Variants in MCTP1 observed in about 807,000 individuals in gnomAD.
The protein encoded by MCTP1 is multiple C2 and transmembrane domain containing 1.
Under a neutral mutation model 120.6 loss-of-function variants are expected in MCTP1, and 69 were observed. The ratio of observed to expected loss-of-function variants is 0.57; its 90% confidence interval spans 0.47 to 0.70. MCTP1 has a LOEUF of 0.70. Among genes scored for constraint, MCTP1 ranks in the 30% least tolerant of loss-of-function variants. MCTP1 has a pLI of 0.00. For synonymous variants in MCTP1, 529 were observed against 493.1 expected, an observed-to-expected ratio of 1.07 and a Z score of -0.96; for missense variants, 1,203 against 1,248.8, an observed-to-expected ratio of 0.96 and a Z score of 0.55.
intron 18 of MCTP1, among the ~76,000 whole-genome samples, chr5:94,796,251 G>C (rs1779973996): frequency 6.6e-6 from 1 of 152,062 alleles, no homozygotes; most frequent in South Asian, 2.1e-4. Context: ...ATTTTTGGCA[G>C]CTGAATGTAC....
intron 1 of MCTP1, among the ~76,000 whole-genome samples, chr5:95,148,415 T>C (rs1175031610): frequency 6.6e-6 from 1 of 152,228 alleles, no homozygotes; most frequent in Non-Finnish European, 1.5e-5. Context: ...TTTTTCTTTA[T>C]TTTTGTCTGA....
chr5:94,904,718 T>C (rs2153425836), intron 10 of MCTP1, among the ~76,000 whole-genome samples: 1 of 152,362 alleles, frequency 6.6e-6, no homozygotes. Flanking sequence ...GTTGTTCTAA[T>C]TGCCTTTCCA....
At chr5:95,172,320 G>A (rs376689808) in intron 1 of MCTP1, among the ~76,000 whole-genome samples, 18 of 152,176 alleles carry the variant, frequency 1.2e-4, no homozygotes, top group Non-Finnish European at 1.9e-4. Flanking sequence ...TGCCCCTACT[G>A]GGGGATGCCT....
chr5:95,087,610 C>T (rs552611164), intron 1 of MCTP1, among the ~76,000 whole-genome samples: 1 of 152,184 alleles, frequency 6.6e-6, no homozygotes, highest in Non-Finnish European at 1.5e-5. Flanking sequence ...ATGAGACAAA[C>T]AAAAGCTTTT....
chr5:94,793,288 G>A (rs1288315961), intron 18 of MCTP1: 2 of 152,162 alleles, frequency 1.3e-5, no homozygotes, highest in East Asian at 3.8e-4. Context: ...GGTCACAAGG[G>A]ATAAGCTTTC....
intron 1 of MCTP1, among the ~76,000 whole-genome samples, chr5:95,202,299 T>C (rs1159988700): frequency 6.6e-6 from 1 of 152,210 alleles, no homozygotes; most frequent in Non-Finnish European, 1.5e-5. Context: ...AGCTGCCCCT[T>C]AGGTTCTCAG....
intron 17 of MCTP1, among the ~76,000 whole-genome samples, chr5:94,866,769 G>A (rs2153275171): frequency 6.6e-6 from 1 of 150,678 alleles, no homozygotes; most frequent in Admixed American, 6.6e-5. Flanking sequence ...AGAATCAAAA[G>A]GAAATTGCAA....
rs146776680 is a variant in MCTP1 at position 94,873,314 on chromosome 5, T to C, written c.1934-73A>G. On this transcript the variant is annotated intron_variant, in intron 12 of 22. Coordinates refer to ENST00000515393, the MANE Select transcript of MCTP1 (RefSeq NM_024717.7). ...GTTCACAGTGTCAAGATCATGACCATATCTCTTTTGCAAAAAGTTTTATAG... is the reference window on the plus strand; with the variant it reads ...GTTCACAGTGTCAAGATCATGACCACATCTCTTTTGCAAAAAGTTTTATAG... The C allele has an allele frequency of 6.0e-5, 50 of 827,252 alleles. No individual in the cohort carries two copies. In the African/African-American group the frequency reaches 6.5e-4, roughly 11 times the overall value. 51.2% of individuals were successfully genotyped at this position (827,252 alleles called of 1,614,324 possible).
In MCTP1 at chr5:94,937,691, A is replaced by G. The variant is rs1053987119; in HGVS notation, c.1173+2393T>C. Among the ~76,000 whole-genome samples the G allele has an allele frequency of 2.0e-5, 3 of 152,100 alleles. No homozygotes were observed. The South Asian group carries it at 6.2e-4, about 31-fold the overall frequency. On this transcript the variant is annotated intron_variant, in intron 5 of 22. Transcript: ENST00000515393. ...GCCTGTGCTGTCATATTTCTGTGTA[A>G]TTTAGAACAACTCAGCAGCTTCATC...
At chr5:94,754,637 A>G (rs1298719437) in intron 19 of MCTP1, among the ~76,000 whole-genome samples, 4 of 152,246 alleles carry the variant, frequency 2.6e-5, no homozygotes, top group Admixed American at 6.5e-5. Flanking sequence ...AAACAGTCCG[A>G]TCAGTCTTTT....
At chr5:94,932,016 A>G (rs200562419) in intron 5 of MCTP1, 25 bp from the exon 6 acceptor site, 71 of 1,544,652 alleles carry the variant, frequency 4.6e-5, no homozygotes, top group Non-Finnish European at 6.1e-5. Flanking sequence ...AAGCATTTTC[A>G]TTATCTTTTC....
chr5:94,830,601 C>A (rs1450666088), intron 17 of MCTP1, among the ~76,000 whole-genome samples: 1 of 152,112 alleles, frequency 6.6e-6, no homozygotes, highest in Non-Finnish European at 1.5e-5. Context: ...TGCTATATAA[C>A]TGTGGGTTTC....
intron 17 of MCTP1, among the ~76,000 whole-genome samples, chr5:94,817,126 T>G (rs1177912741): frequency 6.6e-6 from 1 of 152,136 alleles, no homozygotes; most frequent in Non-Finnish European, 1.5e-5. Context: ...GTGTCTGGGC[T>G]GGGTGCGGTG....
At chr5:94,798,384 G>T (rs1252406120) in intron 18 of MCTP1, among the ~76,000 whole-genome samples, 8 of 152,122 alleles carry the variant, frequency 5.3e-5, no homozygotes, top group Admixed American at 5.2e-4. Flanking sequence ...GAAAGAGAAG[G>T]TTGTCTCATA....
chr5:94,845,714 C>A (rs1156978565), intron 17 of MCTP1, among the ~76,000 whole-genome samples: 1 of 151,974 alleles, frequency 6.6e-6, no homozygotes, highest in African/African-American at 2.4e-5. Context: ...CCATGCCCAG[C>A]TAATTTTTGT....
At chr5:95,052,324 G>A (rs1337504955) in intron 1 of MCTP1, among the ~76,000 whole-genome samples, 1 of 152,168 alleles carries the variant, frequency 6.6e-6, no homozygotes, top group Non-Finnish European at 1.5e-5. Context: ...ATCCACTTTA[G>A]AGCTAGTGAA....
intron 17 of MCTP1, among the ~76,000 whole-genome samples, chr5:94,831,135 C>T (rs1352233418): frequency 6.6e-6 from 1 of 152,168 alleles, no homozygotes; most frequent in African/African-American, 2.4e-5. Context: ...AAGAACTCAA[C>T]ACCAATATTA....
At chr5:95,154,102 C>G (rs1003242635) in intron 1 of MCTP1, 1 of 152,144 alleles carries the variant, frequency 6.6e-6, no homozygotes, top group East Asian at 1.9e-4. Context: ...ATGTAGGAAG[C>G]CTTTGAGTTG....
At chr5:95,244,392 A>G (rs886246610) in intron 1 of MCTP1, among the ~76,000 whole-genome samples, 5 of 152,184 alleles carry the variant, frequency 3.3e-5, no homozygotes, top group Non-Finnish European at 5.9e-5. Flanking sequence ...TCACCCGGGA[A>G]GCACAAGGGG....
Sources: allele counts gnomAD v4.1 joint callset (sites outside exome capture counted in the v4.1 genomes callset), GRCh38; gene constraint gnomAD v4.1.1; transcripts MANE v1.5; gene names NCBI Gene and HGNC (gene_info 2026-07-23, HGNC 2026-07-21).